The following NFATC1 variants were observed in gnomAD, a reference collection of about 807,000 sequenced individuals.
NFATC1 encodes nuclear factor of activated T cells 1.
In NFATC1, 22 loss-of-function variants were observed where a neutral mutation model predicts 76.0. The ratio of observed to expected loss-of-function variants is 0.29; its 90% CI spans 0.21 to 0.41. NFATC1 has a LOEUF of 0.41. Among genes scored for constraint, NFATC1 ranks in the 10% least tolerant of loss-of-function variants. NFATC1 has a pLI of 1.00. For synonymous variants in NFATC1, 704 were observed against 613.1 expected (o/e 1.15, Z -2.19); for missense variants, 1,357 against 1,337.7 (o/e 1.01, Z -0.23).
Position 79,411,283 on chromosome 18 carries a change from C to T in NFATC1, c.1008C>T (p.Arg336=). ...DLGDGVPVKS[R]KTTLEQPPSV... is the part of the protein sequence containing the mutation. ...GAGATGGCGTCCCTGTCAAGTCCCGCAAGACCACCCTGGAGCAGCCGCCCT... is the reference window on the plus strand; with the variant it reads ...GAGATGGCGTCCCTGTCAAGTCCCGTAAGACCACCCTGGAGCAGCCGCCCT... The change falls in exon 2 of 10, where the codon CGC becomes CGT. Residue 336 remains arginine, a synonymous_variant. Transcript: ENST00000427363. 1 of 1,603,658 alleles carries T rather than the reference C, an allele frequency of 6.2e-7. No homozygotes were observed. Among genetic ancestry groups the T allele is most frequent in the African/African-American group, 1.3e-5 (1 of 75,042 alleles).
At chr18:79,456,600 C>A (rs929948030) in intron 6 of NFATC1, among the ~76,000 whole-genome samples, 3 of 151,736 alleles carry the variant, frequency 2.0e-5, no homozygotes, top group African/African-American at 7.3e-5. Context: ...AGGTGAGGGT[C>A]AGGGCCCCTG....
chr18:79,401,828 A>G (rs1197784540), intron 1 of NFATC1, among the ~76,000 whole-genome samples: 1 of 152,174 alleles, frequency 6.6e-6, no homozygotes, highest in Non-Finnish European at 1.5e-5. Flanking sequence ...AGCGTGAATC[A>G]CTGACTGTGG....
intron 2 of NFATC1, among the ~76,000 whole-genome samples, chr18:79,432,639 G>C (rs2086639791): frequency 6.6e-6 from 1 of 152,234 alleles, no homozygotes. Flanking sequence ...TGATGGCAGA[G>C]GCGCCGGCCT....
At chr18:79,494,464 C>T (rs1352646706) in intron 9 of NFATC1, among the ~76,000 whole-genome samples, 1 of 88,462 alleles carries the variant, frequency 1.1e-5, no homozygotes, top group Non-Finnish European at 2.4e-5. Flanking sequence ...CCCCATCGAC[C>T]TGGTACCGCC....
chr18:79,437,854 C>T (rs1015956460), intron 3 of NFATC1, among the ~76,000 whole-genome samples: 1 of 152,208 alleles, frequency 6.6e-6, no homozygotes, highest in Admixed American at 6.5e-5. Context: ...CCTCCTCATC[C>T]GCACACAGCC....
Position 79,465,434 on chromosome 18 carries a change from C to T in NFATC1, c.1960-2016C>T, listed in dbSNP as rs888539408. Among the ~76,000 whole-genome samples, 25 of 150,668 alleles carry T rather than the reference C, an allele frequency of 1.7e-4. 1 individual carries two copies. The highest frequency in any genetic ancestry group is 2.7e-4 in the Non-Finnish European group (18 of 67,554). On this transcript the variant is annotated intron_variant, in intron 7 of 9. Transcript: ENST00000427363. This position sits in a 1 kb window ranked among gnomAD's most constrained non-coding sequence, Gnocchi z 4.2. ...GGGTCCCCGCCTCCACCCAGTCTGG[C>T]CCACAAGGTCCCGCCTCCGCCCAGC...
rs2086675969 is a variant in NFATC1, at chr18:79,433,690, C to T, written c.1338C>T (p.Gly446=). 6.2e-7 allele frequency: 1 copy of T among 1,613,196 alleles called. No individual in the cohort carries two copies. The highest frequency in any genetic ancestry group is 8.5e-7 in the Non-Finnish European group (1 of 1,179,914). The change falls in exon 3 of 10, where the codon GGC becomes GGT. Residue 446 remains glycine, a synonymous_variant. Coordinates refer to ENST00000427363, the MANE Select transcript of NFATC1 (RefSeq NM_001278669.2). The part of the protein sequence containing the change: ...SHHRAHYETE[G]SRGAVKASAG... ...ACCGAGCCCACTACGAGACGGAGGG[C>T]AGCCGGGGGGCCGTGAAGGCGTCGG...
chr18:79,494,133 CCT>C (rs1338046958), intron 9 of NFATC1, among the ~76,000 whole-genome samples: 1 of 152,252 alleles, frequency 6.6e-6, no homozygotes. Context: ...CGTTTCAGTT[CCT>C]CTCGAGAAAA....
intron 9 of NFATC1, among the ~76,000 whole-genome samples, chr18:79,487,305 G>A (rs551319136): frequency 1.4e-4 from 21 of 152,340 alleles, no homozygotes; most frequent in East Asian, 5.8e-4. Flanking sequence ...GAGAGGGACC[G>A]GCCTCTGCAG....
chr18:79,513,788 G>A lies in NFATC1; in HGVS notation c.2783-13740G>A, dbSNP rs543594185. Among the ~76,000 whole-genome samples, 13 of 152,344 alleles carry A rather than the reference G, an allele frequency of 8.5e-5. No homozygotes were observed. In the South Asian group the frequency reaches 2.3e-3, roughly 27 times the overall value. Reference sequence around the variant, plus strand: ...CTCCAGGTGACACCCACGGTGGTTCGTGGACACTCACCATGAGGGGAGGTG... The same window carrying A: ...CTCCAGGTGACACCCACGGTGGTTCATGGACACTCACCATGAGGGGAGGTG... On this transcript the variant is annotated intron_variant, in intron 9 of 9. Transcript: ENST00000427363.
In NFATC1 at chr18:79,524,320, A is replaced by G. The variant is rs1174140671; in HGVS notation, c.2783-3208A>G. On this transcript the variant is annotated intron_variant, in intron 9 of 9. Coordinates refer to ENST00000427363, the MANE Select transcript of NFATC1 (RefSeq NM_001278669.2). The surrounding 1 kb of genome is among the most constrained non-coding windows in gnomAD (Gnocchi z 7.2). The stretch of plus-strand genomic sequence containing the variant: ...CACAGGCCGTGTCTGCGGGGCGAGC[A>G]CGGCTCCACGTACGGCTCTCGTCCG... 6.6e-6 allele frequency among the ~76,000 whole-genome samples: 1 copy of G among 152,214 alleles called. No homozygotes were observed. Among genetic ancestry groups the G allele is most frequent in the Non-Finnish European group, 1.5e-5 (1 of 68,040 alleles).
At chr18:79,470,118 C>T (rs970302094) in intron 8 of NFATC1, 9 of 473,192 alleles carry the variant, frequency 1.9e-5, no homozygotes, top group Non-Finnish European at 2.2e-5. Flanking sequence ...CTGCGTCCTC[C>T]GTGCTGTGCA....
intron 2 of NFATC1, among the ~76,000 whole-genome samples, chr18:79,431,492 C>T (rs2086586620): frequency 6.6e-6 from 1 of 151,924 alleles, no homozygotes; most frequent in African/African-American, 2.4e-5. Context: ...TGGCTGGGAT[C>T]CTCCCCACTC....
At chr18:79,449,085 G>A (rs2087347006) in intron 4 of NFATC1, 101 bp downstream of exon 4, 7 of 1,181,726 alleles carry the variant, frequency 5.9e-6, no homozygotes, top group Non-Finnish European at 1.2e-6. Flanking sequence ...GCACTTCCAG[G>A]CTGCGTGGCC....
In NFATC1 at chr18:79,462,823, C is replaced by T. The variant is rs149693097; in HGVS notation, c.1959+1457C>T. ...TGCACCCACTCAGTGTGTGTCCCTG[C>T]GGGTCGGGGAGTCTTGTGCACCCAC... On this transcript the variant is annotated intron_variant, in intron 7 of 9. Transcript: ENST00000427363. Among the ~76,000 whole-genome samples, 78 of 139,570 alleles carry T rather than the reference C, an allele frequency of 5.6e-4. 1 individual carries two copies. The East Asian group carries it at 0.016, about 29-fold the overall frequency. 91.6% of individuals were successfully genotyped at this position (139,570 alleles called of 152,430 possible). A position where few individuals can be genotyped will look rare whatever the true frequency, so the allele number is the denominator to read the frequency against.
intron 4 of NFATC1, among the ~76,000 whole-genome samples, chr18:79,449,771 C>T (rs921325112): frequency 3.3e-5 from 5 of 152,156 alleles, no homozygotes; most frequent in East Asian, 1.9e-4. Flanking sequence ...GGTGGAGCCC[C>T]GGGGGTGGGT....
intron 8 of NFATC1, among the ~76,000 whole-genome samples, chr18:79,474,222 C>CGTT (rs34593308): frequency 0.85 from 66,047 of 77,370 alleles, 28,400 homozygotes; most frequent in South Asian, 0.89. Flanking sequence ...TCACTGTCGA[C>CGTT]GTAAACCTGA....
intron 9 of NFATC1, among the ~76,000 whole-genome samples, chr18:79,511,540 C>T (rs1003418999): frequency 6.6e-6 from 1 of 152,128 alleles, no homozygotes; most frequent in African/African-American, 2.4e-5. Context: ...GGCACAGTGG[C>T]GGCCGTGGAG....
chr18:79,453,416 C>T (rs1303812357), intron 6 of NFATC1, among the ~76,000 whole-genome samples: 1 of 152,266 alleles, frequency 6.6e-6, no homozygotes, highest in Non-Finnish European at 1.5e-5. Flanking sequence ...TGGGTAAGGG[C>T]AGCCACCAGC....
Sources: gnomAD v4.1 joint callset for allele counts (sites outside exome capture counted in the v4.1 genomes callset) on GRCh38, gnomAD v4.1.1 for gene constraint, Gnocchi (gnomAD v3.1) non-coding constraint, MANE v1.5 for transcripts, NCBI Gene and HGNC (gene_info 2026-07-23, HGNC 2026-07-21) for gene names.